Variants in MDGA2 observed in about 807,000 individuals in gnomAD.
MDGA2 encodes MAM domain-containing glycosylphosphatidylinositol anchor protein 2.
In MDGA2, 40 loss-of-function variants were observed where a neutral mutation model predicts 117.8. The ratio of observed to expected loss-of-function variants is 0.34; its 90% CI spans 0.26 to 0.44. MDGA2 has a LOEUF of 0.44. Ranked by LOEUF, MDGA2 falls within the 20% of genes least tolerant of loss-of-function variation. MDGA2 has a pLI of 1.00. For synonymous variants in MDGA2, 452 were observed against 439.0 expected (o/e 1.03, Z -0.37); for missense variants, 1,123 against 1,250.6 (o/e 0.90, Z 1.54).
intron 6 of MDGA2, among the ~76,000 whole-genome samples, chr14:47,094,107 G>A (rs1470349030): frequency 2.7e-5 from 4 of 149,720 alleles, no homozygotes; most frequent in African/African-American, 1.0e-4. Context: ...TATTATTGTA[G>A]TGGTTTTTCT....
intron 6 of MDGA2, among the ~76,000 whole-genome samples, chr14:47,068,093 T>C (rs1306724815): frequency 6.6e-6 from 1 of 152,152 alleles, no homozygotes; most frequent in Non-Finnish European, 1.5e-5. Flanking sequence ...GGGTTCTATT[T>C]AATTGTAAAG....
intron 6 of MDGA2, among the ~76,000 whole-genome samples, chr14:47,080,708 C>G (rs1890678603): frequency 6.6e-6 from 1 of 152,108 alleles, no homozygotes; most frequent in Admixed American, 6.6e-5. Context: ...TTTATAGTTC[C>G]ACCTCTTTCT....
At chr14:46,928,742 C>A (rs1884426020) in intron 9 of MDGA2, among the ~76,000 whole-genome samples, 1 of 152,186 alleles carries the variant, frequency 6.6e-6, no homozygotes, top group Non-Finnish European at 1.5e-5. Context: ...ATACCAAAAT[C>A]ATGACTATCC....
intron 8 of MDGA2, among the ~76,000 whole-genome samples, chr14:46,973,986 G>T (rs1886362472): frequency 6.6e-6 from 1 of 150,722 alleles, no homozygotes; most frequent in South Asian, 2.1e-4. Flanking sequence ...TGATCCTCCT[G>T]CCTCAGCCTC....
intron 1 of MDGA2, among the ~76,000 whole-genome samples, chr14:47,412,511 G>C (rs1166388114): frequency 6.6e-6 from 1 of 152,140 alleles, no homozygotes; most frequent in African/African-American, 2.4e-5. Flanking sequence ...CGAAATCCTG[G>C]CTTCAAGCAA....
chr14:46,844,378 G>T (rs1880735371), intron 16 of MDGA2, among the ~76,000 whole-genome samples: 1 of 152,010 alleles, frequency 6.6e-6, no homozygotes, highest in Non-Finnish European at 1.5e-5. Context: ...TCGGGAGTTC[G>T]AGACCAGCCT....
At chr14:46,874,227 TATTA>T in intron 12 of MDGA2, 27 bp from the exon 13 acceptor site, 3 of 1,188,298 alleles carry the variant, frequency 2.5e-6, no homozygotes, top group Admixed American at 3.3e-5. Flanking sequence ...ATTAAATTAA[TATTA>T]ATTAAATTAA....
intron 1 of MDGA2, among the ~76,000 whole-genome samples, chr14:47,456,881 AG>A (rs1181418410): frequency 1.3e-5 from 2 of 151,938 alleles, no homozygotes; most frequent in African/African-American, 4.8e-5. Context: ...TTTACTTAAG[AG>A]AAACACTTGG....
At chr14:47,226,828 T>C (rs1032466944) in intron 2 of MDGA2, among the ~76,000 whole-genome samples, 26 of 152,086 alleles carry the variant, frequency 1.7e-4, no homozygotes, top group Non-Finnish European at 5.9e-5. Flanking sequence ...GCTTAGAAGG[T>C]AAGAAAAATT....
At position 47,389,170 on chromosome 14, in the gene MDGA2, A is replaced by C. The variant is rs555623177; in HGVS notation, c.281-87620T>G. 6.4e-4 allele frequency among the ~76,000 whole-genome samples: 92 copies of C among 143,452 alleles called. 1 individual carries two copies. Among genetic ancestry groups the C allele is most frequent in the African/African-American group, 2.6e-3 (87 of 33,156 alleles). 94.1% of individuals were successfully genotyped at this position (143,452 alleles called of 152,430 possible). A position where few individuals can be genotyped will look rare whatever the true frequency, so the allele number is the denominator to read the frequency against. ...AAAAATTTTCAAATACATCCAGCAC[A>C]GTACTAGCAAATAGCTGGTGCTTCA... On this transcript the variant is annotated intron_variant, in intron 1 of 16. Coordinates refer to ENST00000399232, the MANE Select transcript of MDGA2 (RefSeq NM_001113498.3).
At chr14:47,442,069 G>C (rs867126697) in intron 1 of MDGA2, among the ~76,000 whole-genome samples, 7 of 152,182 alleles carry the variant, frequency 4.6e-5, no homozygotes, top group African/African-American at 9.6e-5. Flanking sequence ...GAAAATGTGG[G>C]GGCTCAAACA....
chr14:47,471,777 C>A (rs1319742427), intron 1 of MDGA2, among the ~76,000 whole-genome samples: 1 of 151,856 alleles, frequency 6.6e-6, no homozygotes, highest in African/African-American at 2.4e-5. Context: ...GCTTGGAAAG[C>A]AAAATAATTC....
At chr14:47,100,381 A>G (rs973091716) in intron 5 of MDGA2, among the ~76,000 whole-genome samples, 2 of 152,080 alleles carry the variant, frequency 1.3e-5, no homozygotes, top group Admixed American at 6.6e-5. Flanking sequence ...AGAAAGATAA[A>G]GTTCATTTTA....
chr14:47,304,913 C>T (rs1376531489), intron 1 of MDGA2, among the ~76,000 whole-genome samples: 1 of 152,092 alleles, frequency 6.6e-6, no homozygotes, highest in Non-Finnish European at 1.5e-5. Context: ...TTCCTGATAC[C>T]TTCTTGGATT....
intron 1 of MDGA2, among the ~76,000 whole-genome samples, chr14:47,603,775 C>T (rs571346817): frequency 2.6e-5 from 4 of 152,126 alleles, no homozygotes; most frequent in Non-Finnish European, 4.4e-5. Context: ...GAGGCAGGGC[C>T]GGGTGAGGGG....
intron 7 of MDGA2, among the ~76,000 whole-genome samples, chr14:47,054,096 G>A (rs1022359324): frequency 6.6e-6 from 1 of 151,866 alleles, no homozygotes; most frequent in Non-Finnish European, 1.5e-5. Context: ...GAGATTGTGA[G>A]TACTACCCAG....
intron 5 of MDGA2, among the ~76,000 whole-genome samples, chr14:47,114,287 T>C (rs1418989540): frequency 6.6e-6 from 1 of 152,120 alleles, no homozygotes; most frequent in Non-Finnish European, 1.5e-5. Flanking sequence ...CACAAACAAA[T>C]GGAAGAACAT....
intron 1 of MDGA2, among the ~76,000 whole-genome samples, chr14:47,416,717 T>C (rs987412475): frequency 5.3e-5 from 8 of 152,154 alleles, no homozygotes; most frequent in African/African-American, 1.9e-4. Context: ...CCAGGAGAGA[T>C]GGCACTATGC....
At chr14:47,499,269 C>T (rs1894348464) in intron 1 of MDGA2, among the ~76,000 whole-genome samples, 1 of 152,110 alleles carries the variant, frequency 6.6e-6, no homozygotes, top group African/African-American at 2.4e-5. Flanking sequence ...CCGAGCAAAT[C>T]TTAGCATATT....
Sources: gnomAD v4.1 joint callset for allele counts (sites outside exome capture counted in the v4.1 genomes callset) on GRCh38, gnomAD v4.1.1 for gene constraint, MANE v1.5 for transcripts, NCBI Gene and HGNC (gene_info 2026-07-23, HGNC 2026-07-21) for gene names.